The following PTPN20 variants were observed in gnomAD, a reference collection of about 807,000 sequenced individuals.
PTPN20 encodes the protein protein tyrosine phosphatase non-receptor type 20.
In PTPN20, 9 loss-of-function variants were observed where a neutral mutation model predicts 35.0. That is an observed-to-expected ratio of 0.26 (90% CI 0.15 to 0.45). The LOEUF (loss-of-function observed/expected upper bound fraction) is 0.45. Ranked by LOEUF, PTPN20 falls within the 20% of genes least tolerant of loss-of-function variation. The pLI is 1.00. For synonymous variants in PTPN20, 32 were observed against 100.2 expected (o/e 0.32, Z 4.06); for missense variants, 111 against 312.5 (o/e 0.36, Z 4.86).
chr10:46,979,567 CA>C (rs1314609744), intron 7 of PTPN20, among the ~76,000 whole-genome samples: 1 of 104,930 alleles, frequency 9.5e-6, no homozygotes, highest in Non-Finnish European at 1.8e-5. Context: ...ATGCCTCCAT[CA>C]AGGACTTTAA....
intron 9 of PTPN20, among the ~76,000 whole-genome samples, chr10:46,991,956 T>A (rs1049893678): frequency 1.3e-3 from 202 of 152,242 alleles, no homozygotes; most frequent in African/African-American, 4.6e-3. Flanking sequence ...TTTCTTAAAT[T>A]TGCCTATTGA....
chr10:46,940,540 C>T (rs2043131887), intron 2 of PTPN20, 83 bp from the exon 3 acceptor site: 1 of 1,421,528 alleles, frequency 7.0e-7, no homozygotes. Context: ...CCTCATGTAG[C>T]TTGTTTTTTC....
chr10:47,003,039 A>G (rs1268825515), downstream of PTPN20, among the ~76,000 whole-genome samples: 1 of 151,970 alleles, frequency 6.6e-6, no homozygotes, highest in Admixed American at 6.6e-5. Flanking sequence ...CTTGAGGTTC[A>G]TGTAATTGAA....
intron 1 of PTPN20, among the ~76,000 whole-genome samples, chr10:46,929,255 T>A (rs2038756428): frequency 8.0e-6 from 1 of 125,048 alleles, no homozygotes. Context: ...TTAGATGGGA[T>A]CACTTTGTTT....
intron 7 of PTPN20, among the ~76,000 whole-genome samples, chr10:46,980,025 T>C (rs2054866497): frequency 6.6e-6 from 1 of 150,544 alleles, no homozygotes; most frequent in South Asian, 2.1e-4. Flanking sequence ...AAGTAGCAAA[T>C]GCTTTAGTCT....
At chr10:46,932,150 A>G in intron 1 of PTPN20, among the ~76,000 whole-genome samples, 1 of 151,226 alleles carries the variant, frequency 6.6e-6, no homozygotes, top group East Asian at 1.9e-4. Flanking sequence ...TTATTTGTGG[A>G]ATGCAAGGTA....
At chr10:46,999,763 G>C in intron 9 of PTPN20, 149 bp from the exon 10 acceptor site, 1 of 901,898 alleles carries the variant, frequency 1.1e-6, no homozygotes, top group Non-Finnish European at 1.8e-6. Flanking sequence ...TTATCCATTG[G>C]GCTAAGTTAA....
chr10:46,988,368 G>A (rs1212364139), intron 9 of PTPN20, among the ~76,000 whole-genome samples: 2 of 141,812 alleles, frequency 1.4e-5, no homozygotes, highest in Non-Finnish European at 3.1e-5. Flanking sequence ...TCAAACATTT[G>A]TCATTTCTTT....
intron 7 of PTPN20, among the ~76,000 whole-genome samples, chr10:46,983,177 A>G: frequency 6.6e-6 from 1 of 151,300 alleles, no homozygotes; most frequent in Admixed American, 6.6e-5. Context: ...CCCTGGTTCA[A>G]GCGATTCTCC....
intron 9 of PTPN20, 136 bp from the exon 10 acceptor site, chr10:46,999,776 A>G (rs1195263443): frequency 1.1e-5 from 12 of 1,064,964 alleles, no homozygotes; most frequent in Non-Finnish European, 1.6e-5. Flanking sequence ...TAAGTTAAAA[A>G]TAGCACATTT....
chr10:46,928,510 G>C (rs1222320891), intron 1 of PTPN20, among the ~76,000 whole-genome samples: 2 of 152,166 alleles, frequency 1.3e-5, no homozygotes, highest in Non-Finnish European at 2.9e-5. Flanking sequence ...TTGCCTGATT[G>C]CATTGGGCAG....
intron 8 of PTPN20, among the ~76,000 whole-genome samples, chr10:46,986,427 G>A (rs1249093264): frequency 6.7e-6 from 1 of 149,136 alleles, no homozygotes; most frequent in East Asian, 2.0e-4. Context: ...TTAGGAAAAA[G>A]AGGTGCATTC....
At chr10:47,002,784 A>AT (rs2060129391), downstream of PTPN20, among the ~76,000 whole-genome samples, 1 of 151,778 alleles carries the variant, frequency 6.6e-6, no homozygotes, top group African/African-American at 2.4e-5. Flanking sequence ...AACATCTTAG[A>AT]TTTTTTTCTT....
At chr10:46,981,018 G>T (rs1172409583) in intron 7 of PTPN20, among the ~76,000 whole-genome samples, 479 of 147,472 alleles carry the variant, frequency 3.2e-3, no homozygotes, top group African/African-American at 0.011. Flanking sequence ...GAAATGGCCA[G>T]ACGTATAAAT....
At position 46,932,373 on chromosome 10, in the gene PTPN20, C is replaced by G. The variant is rs1391604978; in HGVS notation, c.-123-4C>G. ...AAAATCTTTGGCTTTGTGTGTTTTA[C>G]CAGGTGAACAAAAATTGTTTGCTGG... is the stretch of plus-strand genomic sequence containing the variant. On this transcript the variant is annotated splice_region_variant and splice_polypyrimidine_tract_variant and intron_variant, in intron 1 of 10. Coordinates refer to ENST00000374339, the MANE Select transcript of PTPN20 (RefSeq NM_001042357.5). 6.2e-7 allele frequency: 1 copy of G among 1,605,082 alleles called. No individual in the cohort carries two copies. The highest frequency in any genetic ancestry group is 8.5e-7 in the Non-Finnish European group (1 of 1,176,722).
rs2039955800 is a variant in PTPN20, at chr10:46,932,329, G to A, written c.-123-48G>A. 3 of 1,574,822 alleles carry A rather than the reference G, an allele frequency of 1.9e-6. No homozygotes were observed. In the South Asian group the frequency reaches 3.6e-5, roughly 19 times the overall value. On this transcript the variant is annotated intron_variant, in intron 1 of 10. Transcript: ENST00000374339. ...GTAATAATATGTCAAAGCTGTGATA[G>A]CTCCAGTTGTGTAACAGAAAAATCT... is the stretch of plus-strand genomic sequence containing the variant.
chr10:46,998,439 A>G (rs1457437830), intron 9 of PTPN20, among the ~76,000 whole-genome samples: 1 of 152,226 alleles, frequency 6.6e-6, no homozygotes, highest in East Asian at 1.9e-4. Context: ...TGAAATAGCA[A>G]AAGCATAGAG....
At chr10:46,938,170 C>T (rs1220713892) in intron 2 of PTPN20, among the ~76,000 whole-genome samples, 1 of 150,020 alleles carries the variant, frequency 6.7e-6, no homozygotes, top group Non-Finnish European at 1.5e-5. Flanking sequence ...AGGCTGATCT[C>T]GAACTCCTGA....
chr10:46,938,016 C>A (rs1427107142), intron 2 of PTPN20, among the ~76,000 whole-genome samples: 15 of 148,312 alleles, frequency 1.0e-4, no homozygotes, highest in African/African-American at 3.8e-4. Flanking sequence ...GTGGTGCAAT[C>A]TTGGCTCACT....
Sources: gnomAD v4.1 joint callset for allele counts (sites outside exome capture counted in the v4.1 genomes callset) on GRCh38, gnomAD v4.1.1 for gene constraint, MANE v1.5 for transcripts, NCBI Gene and HGNC (gene_info 2026-07-23, HGNC 2026-07-21) for gene names.